ATAD2B: variants seen among roughly 807,000 people sequenced by gnomAD.
The protein encoded by ATAD2B is ATPase family AAA domain containing 2B, also known as ATPase family AAA domain-containing protein 2B.
In ATAD2B, 40 loss-of-function variants were observed where a neutral mutation model predicts 167.6. That is an observed-to-expected ratio of 0.24 (90% confidence interval 0.19 to 0.31). The LOEUF is 0.31. Ranked by LOEUF, ATAD2B falls within the 10% of genes least tolerant of loss-of-function variation. ATAD2B has a pLI of 1.00. For synonymous variants in ATAD2B, 579 were observed against 596.5 expected (o/e 0.97, Z 0.43); for missense variants, 1,242 against 1,757.2 (o/e 0.71, Z 5.24).
chr2:23,795,778 C>T (rs533315139), intron 19 of ATAD2B, among the ~76,000 whole-genome samples: 34 of 151,702 alleles, frequency 2.2e-4, no homozygotes, highest in African/African-American at 7.5e-4. Flanking sequence ...ACTCGGGAGG[C>T]TGAGACGGGA....
the ATAD2B span, among the ~76,000 whole-genome samples, chr2:23,723,142 A>C: frequency 1.3e-5 from 2 of 152,160 alleles, no homozygotes; most frequent in Non-Finnish European, 2.9e-5. Flanking sequence ...AAGTACAAAA[A>C]ATTAGCCAGA....
the ATAD2B span, among the ~76,000 whole-genome samples, chr2:23,709,639 C>CAA: frequency 9.9e-3 from 1,024 of 103,380 alleles, 11 homozygotes; most frequent in African/African-American, 0.036. Context: ...GTCTCCTTGC[C>CAA]AAAAAAAAAA....
chr2:23,892,933 TACA>T (rs1456973878), intron 2 of ATAD2B, among the ~76,000 whole-genome samples: 9 of 152,234 alleles, frequency 5.9e-5, no homozygotes, highest in Non-Finnish European at 8.8e-5. Context: ...ATTTGTAAGC[TACA>T]ACATCTATCT....
chr2:23,878,010 C>CAAAAAAAAAAAAAAAAAAAAAA lies in ATAD2B; in HGVS notation c.902-2107_902-2106insTTTTTTTTTTTTTTTTTTTTTT, dbSNP rs1283016862. Reference sequence around the variant, plus strand: ...ACTCCAGCCTGGATGACCCTATCTCCAAAGAAAAAAAAAAAAAAAAAAAAA... The same window carrying CAAAAAAAAAAAAAAAAAAAAAA: ...ACTCCAGCCTGGATGACCCTATCTCCAAAAAAAAAAAAAAAAAAAAAAAAAGAAAAAAAAAAAAAAAAAAAAA... On this transcript the variant is annotated intron_variant, in intron 7 of 27. Coordinates refer to ENST00000238789, the MANE Select transcript of ATAD2B (RefSeq NM_017552.4). Among the ~76,000 whole-genome samples, 43 of 28,608 alleles carry CAAAAAAAAAAAAAAAAAAAAAA rather than the reference C, an allele frequency of 1.5e-3. 8 individuals carry two copies. The highest frequency in any genetic ancestry group is 1.8e-3 in the Non-Finnish European group (28 of 15,384). The allele number at this position is 28,608 out of a possible 152,430, so 18.8% of individuals were successfully genotyped here.
chr2:23,877,081 A>AG (rs1395779175), intron 7 of ATAD2B, among the ~76,000 whole-genome samples: 40 of 151,316 alleles, frequency 2.6e-4, no homozygotes, highest in Admixed American at 4.6e-4. Flanking sequence ...AAAAAAAAAA[A>AG]AAAGAAAGAA....
intron 7 of ATAD2B, 49 bp from the exon 8 acceptor site, chr2:23,875,953 A>G (rs745550306): frequency 7.7e-7 from 1 of 1,301,818 alleles, no homozygotes; most frequent in Admixed American, 2.0e-5. Flanking sequence ...AAATTGATAA[A>G]TTAATGTATT....
At chr2:23,844,822 A>G (rs1408403120) in intron 13 of ATAD2B, among the ~76,000 whole-genome samples, 5 of 152,124 alleles carry the variant, frequency 3.3e-5, no homozygotes, top group Non-Finnish European at 7.4e-5. Flanking sequence ...CAGAAAAAAT[A>G]ATGAAGAAAT....
intron 11 of ATAD2B, among the ~76,000 whole-genome samples, chr2:23,864,074 G>A (rs56303870): frequency 0.12 from 18,254 of 149,834 alleles, 1,182 homozygotes; most frequent in Middle Eastern, 0.22. Context: ...GCGCAATCTC[G>A]GCTCACTACA....
chr2:23,682,334 T>A, the ATAD2B span, among the ~76,000 whole-genome samples: 1 of 152,248 alleles, frequency 6.6e-6, no homozygotes, highest in East Asian at 1.9e-4. The surrounding 1 kb of genome is among the most constrained non-coding windows in gnomAD (Gnocchi z 4.1). Context: ...GCTCTGAGGA[T>A]GTGGGTCCCC....
chr2:23,813,665 T>C (rs1685984563), intron 17 of ATAD2B, among the ~76,000 whole-genome samples: 1 of 151,694 alleles, frequency 6.6e-6, no homozygotes, highest in Non-Finnish European at 1.5e-5. Context: ...GGATCACATG[T>C]GTCCAGGAGG....
chr2:23,849,140 C>T (rs1483556257), intron 13 of ATAD2B, among the ~76,000 whole-genome samples: 1 of 151,996 alleles, frequency 6.6e-6, no homozygotes, highest in African/African-American at 2.4e-5. Flanking sequence ...TCAATAATTA[C>T]ATTAAACATT....
Position 23,762,021 on chromosome 2 carries a change from AT to A in ATAD2B, c.3394+187del, listed in dbSNP as rs367911305. Among the ~76,000 whole-genome samples the A allele has an allele frequency of 5.3e-3, 807 of 152,366 alleles. 7 individuals carry two copies. Among genetic ancestry groups the A allele is most frequent in the Non-Finnish European group, 8.0e-3 (544 of 68,042 alleles). On this transcript the variant is annotated intron_variant, in intron 24 of 27. Transcript: ENST00000238789. ...AAATAATATTGAATAGGGATAGAAAATAACAAATAAAGTTAAAGAAATATAT... is the reference window on the plus strand; with the variant it reads ...AAATAATATTGAATAGGGATAGAAAAAACAAATAAAGTTAAAGAAATATAT...
intron 1 of ATAD2B, among the ~76,000 whole-genome samples, chr2:23,898,515 T>C (rs1245198204): frequency 5.9e-5 from 9 of 152,214 alleles, no homozygotes; most frequent in Non-Finnish European, 1.0e-4. Context: ...ATTGATGTCA[T>C]ATGTCTTCCT....
At chr2:23,823,601 TAC>T (rs751132384) in intron 15 of ATAD2B, 32 bp from the exon 16 acceptor site, 5 of 1,575,562 alleles carry the variant, frequency 3.2e-6, no homozygotes, top group Non-Finnish European at 4.3e-6. Flanking sequence ...ATAGCAAAGG[TAC>T]ATTCATTATT....
At chr2:23,817,041 A>G (rs2149590575) in intron 17 of ATAD2B, among the ~76,000 whole-genome samples, 1 of 152,310 alleles carries the variant, frequency 6.6e-6, no homozygotes, top group East Asian at 1.9e-4. Flanking sequence ...ATGCTAACGT[A>G]TCTTGCTCAA....
Position 23,792,238 on chromosome 2 carries a change from G to A in ATAD2B, c.2641-3591C>T, listed in dbSNP as rs924813674. Among the ~76,000 whole-genome samples the A allele has an allele frequency of 6.6e-5, 10 of 151,790 alleles. No individual in the cohort carries two copies. The East Asian group carries it at 9.7e-4, about 15-fold the overall frequency. The stretch of plus-strand genomic sequence containing the variant: ...TAATTTTTGTATTTTTAGTAGAGAC[G>A]GGGTTTCACTACGTTGGCCAGGATG... On this transcript the variant is annotated intron_variant, in intron 19 of 27. Coordinates refer to ENST00000238789, the MANE Select transcript of ATAD2B (RefSeq NM_017552.4).
chr2:23,889,221 A>G (rs1378980762), intron 2 of ATAD2B, among the ~76,000 whole-genome samples: 2 of 151,932 alleles, frequency 1.3e-5, no homozygotes, highest in Admixed American at 6.6e-5. Flanking sequence ...AGGCTGGAGT[A>G]CAGTGGCGCG....
chr2:23,818,123 TACAC>T (rs112996560), intron 17 of ATAD2B, among the ~76,000 whole-genome samples: 1 of 101,684 alleles, frequency 9.8e-6, no homozygotes, highest in Non-Finnish European at 2.1e-5. Flanking sequence ...ACACACACAT[TACAC>T]ACACACACAC....
At chr2:23,871,159 C>G (rs148404293) in intron 8 of ATAD2B, among the ~76,000 whole-genome samples, 95 of 151,286 alleles carry the variant, frequency 6.3e-4, no homozygotes, top group African/African-American at 2.2e-3. Flanking sequence ...TTGCCCACCA[C>G]ATAATCACTG....
Sources: allele counts gnomAD v4.1 joint callset (sites outside exome capture counted in the v4.1 genomes callset), GRCh38; gene constraint gnomAD v4.1.1; non-coding constraint Gnocchi (gnomAD v3.1); transcripts MANE v1.5; gene names NCBI Gene and HGNC (gene_info 2026-07-23, HGNC 2026-07-21).